Variants in RELB observed in about 807,000 individuals in gnomAD.
RELB encodes RELB proto-oncogene, NF-kB subunit.
Under a neutral mutation model 55.4 loss-of-function variants are expected in RELB, and 14 were observed. The ratio of observed to expected loss-of-function variants is 0.25; its 90% confidence interval spans 0.17 to 0.40. The LOEUF (loss-of-function observed/expected upper bound fraction) is 0.40, where lower values mean the gene tolerates loss of function less well. Among genes scored for constraint, RELB ranks in the 10% least tolerant of loss-of-function variants. The probability of loss-of-function intolerance (pLI) is 1.00; values close to 1 mark genes in which losing one functional copy is unlikely to be tolerated. For synonymous variants in RELB, 409 were observed against 371.3 expected, an observed-to-expected ratio of 1.10 and a Z score of -1.17; for missense variants, 669 against 830.7, an observed-to-expected ratio of 0.81 and a Z score of 2.39.
At chr19:45,008,505 C>T in intron 2 of RELB, 1 of 456,262 alleles carries the variant, frequency 2.2e-6, no homozygotes, top group South Asian at 1.5e-5. Flanking sequence ...GTTCAAGTGA[C>T]TTGAGGTTGG....
chr19:45,021,573 C>CTTTTT (rs748646881), intron 4 of RELB, among the ~76,000 whole-genome samples: 13 of 91,348 alleles, frequency 1.4e-4, no homozygotes, highest in South Asian at 4.3e-4. Context: ...TCAAAGTGGC[C>CTTTTT]TTTTTTTTTT....
intron 5 of RELB, among the ~76,000 whole-genome samples, chr19:45,022,851 T>G (rs1478625064): frequency 2.6e-5 from 4 of 152,086 alleles, no homozygotes; most frequent in East Asian, 1.9e-4. Flanking sequence ...GCCGGCCTTT[T>G]CTTTCTTTTT....
Position 45,025,744 on chromosome 19 carries a change from T to A in RELB, c.886+7T>A, listed in dbSNP as rs1971551066. On this transcript the variant is annotated splice_region_variant and intron_variant, in intron 7 of 11. Transcript: ENST00000221452. ...GAGCCCGTCTATGACAAGAGTGAGT[T>A]GAGAGTGCTGTGGCCGTTAGGATTG... is the stretch of plus-strand genomic sequence containing the variant. 1.9e-6 allele frequency: 3 copies of A among 1,613,526 alleles called. No individual in the cohort carries two copies. Among genetic ancestry groups the A allele is most frequent in the Non-Finnish European group, 2.5e-6 (3 of 1,179,636 alleles).
chr19:45,013,520 C>T (rs573849153), intron 4 of RELB, among the ~76,000 whole-genome samples: 121 of 152,106 alleles, frequency 8.0e-4, no homozygotes, highest in African/African-American at 2.7e-3. Context: ...CAGAACAGGA[C>T]GGATGTTTTG....
chr19:45,018,945 C>T (rs2122439551), intron 4 of RELB, among the ~76,000 whole-genome samples: 1 of 152,248 alleles, frequency 6.6e-6, no homozygotes, highest in Non-Finnish European at 1.5e-5. Flanking sequence ...GCGTGAGCCA[C>T]CGCGCTCGGC....
At chr19:45,027,835 C>T (rs1348726583) in intron 7 of RELB, among the ~76,000 whole-genome samples, 1 of 152,100 alleles carries the variant, frequency 6.6e-6, no homozygotes, top group Non-Finnish European at 1.5e-5. Context: ...CCCATCAACT[C>T]TCCCTGAGGT....
Position 45,032,938 on chromosome 19 carries a change from T to C in RELB, c.1207+189T>C, listed in dbSNP as rs202016389. Among the ~76,000 whole-genome samples, 20 of 152,278 alleles carry C rather than the reference T, an allele frequency of 1.3e-4. No homozygotes were observed. The East Asian group carries it at 3.7e-3, about 28-fold the overall frequency. ...GGCCTCTCTGAGCCTCATTCTTCTG[T>C]GCAAAATGGAAATAATAGTAGCTGT... On this transcript the variant is annotated intron_variant, in intron 9 of 11. Transcript: ENST00000221452.
rs373589939 is a variant in RELB, at chr19:45,015,887, G to A, written c.504+3611G>A. Among the ~76,000 whole-genome samples the A allele has an allele frequency of 2.2e-4, 33 of 152,208 alleles. 1 individual carries two copies. The highest frequency in any genetic ancestry group is 7.9e-4 in the African/African-American group (33 of 41,534). On this transcript the variant is annotated intron_variant, in intron 4 of 11. Coordinates refer to ENST00000221452, the MANE Select transcript of RELB (RefSeq NM_006509.4). ...TTTCAGAATCTCCTACTATTACAGCGGGGAGCTGGTTAAATGAATGGTTTT... is the reference window on the plus strand; with the variant it reads ...TTTCAGAATCTCCTACTATTACAGCAGGGAGCTGGTTAAATGAATGGTTTT...
intron 7 of RELB, among the ~76,000 whole-genome samples, 178 bp from the exon 8 acceptor site, chr19:45,028,710 C>T (rs993256213): frequency 6.6e-6 from 1 of 152,168 alleles, no homozygotes; most frequent in African/African-American, 2.4e-5. Context: ...CCCTTCTGTC[C>T]GAGTGACTTC....
chr19:45,020,258 T>G (rs1971467606), intron 4 of RELB, among the ~76,000 whole-genome samples: 2 of 151,604 alleles, frequency 1.3e-5, no homozygotes, highest in South Asian at 4.2e-4. Flanking sequence ...GACAGGGACT[T>G]TGTCACCCAG....
chr19:45,008,730 C>T (rs1390575183), intron 2 of RELB: 7 of 334,452 alleles, frequency 2.1e-5, no homozygotes, highest in Non-Finnish European at 4.2e-5. Flanking sequence ...AGGTTCGCGT[C>T]TATAAATCCC....
chr19:45,032,185 G>A (rs757180072), intron 8 of RELB, among the ~76,000 whole-genome samples: 17 of 151,878 alleles, frequency 1.1e-4, no homozygotes, highest in East Asian at 2.0e-4. Context: ...GCAGTGAGCC[G>A]AGATCATGCC....
intron 1 of RELB, among the ~76,000 whole-genome samples, chr19:45,002,404 G>T (rs1231697257): frequency 1.3e-5 from 2 of 152,258 alleles, no homozygotes; most frequent in Admixed American, 1.3e-4. Context: ...CCAGGCTGGA[G>T]TGCAGTGGCA....
At chr19:45,026,347 G>A (rs1054861353) in intron 7 of RELB, among the ~76,000 whole-genome samples, 23 of 152,062 alleles carry the variant, frequency 1.5e-4, no homozygotes, top group African/African-American at 5.3e-4. Context: ...AGGCTGCAGT[G>A]AGCTGTGATC....
chr19:45,037,322 C>T, intron 11 of RELB, 83 bp from the exon 12 acceptor site: 1 of 1,352,986 alleles, frequency 7.4e-7, no homozygotes, highest in Non-Finnish European at 9.8e-7. Context: ...TCACATTTTG[C>T]AGGGAGTAGG....
chr19:45,032,690 G>A lies in RELB; in HGVS notation c.1148G>A (p.Arg383Gln). Residue 383 changes from arginine (R) to glutamine (Q), a missense_variant, in exon 9 of 12, where the codon CGG becomes CAG. Transcript: ENST00000221452. ...EPVTVNVFLQRLTDGVCSEPL... is the reference protein window; with the variant it reads ...EPVTVNVFLQQLTDGVCSEPL... ...GTGACAGTCAACGTCTTCCTGCAGC[G>A]GCTCACCGATGGGGTCTGCAGCGAG... The A allele has an allele frequency of 6.2e-7, 1 of 1,610,838 alleles. No individual in the cohort carries two copies. Among genetic ancestry groups the A allele is most frequent in the Non-Finnish European group, 8.5e-7 (1 of 1,178,782 alleles).
intron 5 of RELB, among the ~76,000 whole-genome samples, chr19:45,024,928 C>T (rs1262750277): frequency 1.3e-5 from 2 of 152,008 alleles, no homozygotes; most frequent in African/African-American, 2.4e-5. Flanking sequence ...GGCACAATCT[C>T]GGCTCACTGC....
At position 45,032,665 on chromosome 19, in the gene RELB, G is replaced by T. The variant is rs940958016; in HGVS notation, c.1123G>T (p.Val375Leu). The T allele has an allele frequency of 6.2e-7, 1 of 1,611,986 alleles. No individual in the cohort carries two copies. The change falls in exon 9 of 12, where the codon GTG becomes TTG. Residue 375 changes from valine (V) to leucine (L), a missense_variant. Physicochemically the swap from Val to Leu is conservative, Grantham distance 32 (BLOSUM62 1). Around this residue, in one of 3 missense-constraint regions of RELB, gnomAD observed 341 missense variants for 436.8 expected, o/e 0.78. Transcript: ENST00000221452. ...CGAGGACCTGGAGATTGTCGAGCCC[G>T]TGACAGTCAACGTCTTCCTGCAGCG... ...PYEDLEIVEPVTVNVFLQRLT... is the reference protein window; with the variant it reads ...PYEDLEIVEPLTVNVFLQRLT...
At chr19:45,023,393 T>TTTCTTTCCTTCC (rs1555726776) in intron 5 of RELB, among the ~76,000 whole-genome samples, 2 of 144,578 alleles carry the variant, frequency 1.4e-5, no homozygotes, top group African/African-American at 5.1e-5. Flanking sequence ...TGCAGTTTTC[T>TTTCTTTCCTTCC]TTCCTTCCTT....
Sources: allele counts gnomAD v4.1 joint callset (sites outside exome capture counted in the v4.1 genomes callset), GRCh38; gene constraint gnomAD v4.1.1; regional missense constraint gnomAD v4.1.1; transcripts MANE v1.5; gene names NCBI Gene and HGNC (gene_info 2026-07-23, HGNC 2026-07-21).